Variants in TPGS1 observed in about 807,000 individuals in gnomAD.
The protein encoded by TPGS1 is gene trap ROSA b-geo 22.
Under a neutral mutation model 11.9 loss-of-function variants are expected in TPGS1, and 18 were observed. The ratio of observed to expected loss-of-function variants is 1.51; its 90% CI spans 1.04 to 2.24. The LOEUF is 2.24. TPGS1 is among the 30% of genes most tolerant of loss of function. TPGS1 has a pLI of 0.00. For synonymous variants in TPGS1, 247 were observed against 218.2 expected (o/e 1.13, Z -1.16); for missense variants, 500 against 443.0 (o/e 1.13, Z -1.16).
intron 1 of TPGS1, among the ~76,000 whole-genome samples, chr19:512,301 C>T (rs1978819639): frequency 6.6e-6 from 1 of 152,110 alleles, no homozygotes; most frequent in African/African-American, 2.4e-5. Flanking sequence ...GTACCCGGGA[C>T]CACAGACGCA....
chr19:512,858 T>A (rs1392874247), intron 1 of TPGS1, among the ~76,000 whole-genome samples: 1 of 152,018 alleles, frequency 6.6e-6, no homozygotes, highest in Non-Finnish European at 1.5e-5. Flanking sequence ...CCTGGGTGGG[T>A]TGCTGGCTCG....
chr19:508,014 G>A, intron 1 of TPGS1, 170 bp downstream of exon 1: 1 of 504,634 alleles, frequency 2.0e-6, no homozygotes, highest in East Asian at 3.5e-5. Context: ...GGGCTGGAGG[G>A]TCCGGGCTTC....
At chr19:511,088 C>T (rs1282938529) in intron 1 of TPGS1, among the ~76,000 whole-genome samples, 2 of 152,260 alleles carry the variant, frequency 1.3e-5, no homozygotes, top group South Asian at 2.1e-4. Context: ...CCTTACAAAC[C>T]GCTCTGTGTA....
At chr19:513,551 G>C (rs1186724112) in intron 1 of TPGS1, among the ~76,000 whole-genome samples, 1 of 151,832 alleles carries the variant, frequency 6.6e-6, no homozygotes, top group Non-Finnish European at 1.5e-5. Flanking sequence ...CAGCATTACT[G>C]AGCACCTACT....
At chr19:518,389 G>C (rs1449782378) in intron 1 of TPGS1, among the ~76,000 whole-genome samples, 2 of 119,722 alleles carry the variant, frequency 1.7e-5, no homozygotes, top group Non-Finnish European at 3.6e-5. Context: ...CTGGGAAGAG[G>C]GAGGCCCGGG....
At chr19:512,814 G>A (rs906303535) in intron 1 of TPGS1, among the ~76,000 whole-genome samples, 5 of 152,224 alleles carry the variant, frequency 3.3e-5, no homozygotes, top group African/African-American at 1.2e-4. Context: ...CCTCCGAGGC[G>A]GGTCACGAAG....
In TPGS1 at chr19:507,689, G is replaced by A. The variant is rs1158295460; in HGVS notation, c.183G>A (p.Glu61=). ...TGAAGGTGCTGGAGGCGCGGCCCGAGGAGCCGATCGCCTTCCTGGCTCACT... is the reference window on the plus strand; with the variant it reads ...TGAAGGTGCTGGAGGCGCGGCCCGAAGAGCCGATCGCCTTCCTGGCTCACT... ...ALLKVLEARP[E]EPIAFLAHYF... The change falls in exon 1 of 2, where the codon GAG becomes GAA. Residue 61 remains glutamate, a synonymous_variant. Transcript: ENST00000359315. 1 of 1,380,704 alleles carries A rather than the reference G, an allele frequency of 7.2e-7. No individual in the cohort carries two copies. 85.5% of individuals were successfully genotyped at this position (1,380,704 alleles called of 1,614,324 possible).
At chr19:517,395 G>A (rs1380600821) in intron 1 of TPGS1, among the ~76,000 whole-genome samples, 4 of 24,602 alleles carry the variant, frequency 1.6e-4, no homozygotes, top group East Asian at 1.4e-3. Flanking sequence ...GCTGGGAGGG[G>A]GGAGGCCAGG....
At chr19:518,690 G>C (rs1383238630) in intron 1 of TPGS1, among the ~76,000 whole-genome samples, 199 bp from the exon 2 acceptor site, 1 of 145,256 alleles carries the variant, frequency 6.9e-6, no homozygotes, top group Admixed American at 6.9e-5. Flanking sequence ...TGGGAGAAGG[G>C]AGGCGGGGGC....
At chr19:513,092 G>A (rs1978848945) in intron 1 of TPGS1, among the ~76,000 whole-genome samples, 1 of 152,174 alleles carries the variant, frequency 6.6e-6, no homozygotes, top group Non-Finnish European at 1.5e-5. Flanking sequence ...TTGGTTTTGG[G>A]CCTCTAGGTT....
chr19:518,767 G>A (rs1290282593), intron 1 of TPGS1, 122 bp from the exon 2 acceptor site: 3 of 1,087,600 alleles, frequency 2.8e-6, no homozygotes, highest in Non-Finnish European at 3.7e-6. Context: ...GGTAGGAGGA[G>A]AGGGGAGGCC....
At chr19:509,411 G>T (rs149327219) in intron 1 of TPGS1, 3 of 152,646 alleles carry the variant, frequency 2.0e-5, no homozygotes, top group African/African-American at 7.2e-5. Context: ...ATTAATTTCC[G>T]AGGGCTGCTG....
chr19:519,468 C>CGCGTGCGGG lies in TPGS1; in HGVS notation c.*49_*57dup. On this transcript the variant is annotated 3_prime_UTR_variant, in exon 2 of 2. Transcript: ENST00000359315. ...TCCGGGATCTGCGCTGGGGGGTCCC[C>CGCGTGCGGG]GCGTGCGGGGCGCGCGGAGCCTTCC... 8.4e-7 allele frequency: 1 copy of CGCGTGCGGG among 1,183,708 alleles called. No homozygotes were observed. The highest frequency in any genetic ancestry group is 1.0e-6 in the Non-Finnish European group (1 of 956,066). The allele number at this position is 1,183,708 out of a possible 1,614,324, so 73.3% of individuals were successfully genotyped here.
Position 519,463 on chromosome 19 carries a change from G to C in TPGS1, c.*40G>C. The C allele has an allele frequency of 8.4e-7, 1 of 1,187,894 alleles. No homozygotes were observed. Among genetic ancestry groups the C allele is most frequent in the Admixed American group, 4.5e-5 (1 of 22,254 alleles). 73.6% of individuals were successfully genotyped at this position (1,187,894 alleles called of 1,614,324 possible). A position where few individuals can be genotyped will look rare whatever the true frequency, so the allele number is the denominator to read the frequency against. On this transcript the variant is annotated 3_prime_UTR_variant, in exon 2 of 2. Transcript: ENST00000359315. ...GCGGATCCGGGATCTGCGCTGGGGG[G>C]TCCCCGCGTGCGGGGCGCGCGGAGC...
In TPGS1 at chr19:518,872, C is replaced by T. The variant is rs1014936806; in HGVS notation, c.339-17C>T. On this transcript the variant is annotated splice_polypyrimidine_tract_variant and intron_variant, in intron 1 of 1. Transcript: ENST00000359315. ...GCGCGCGGTCTCTGCCGGCCCCCAA[C>T]GTCCCCGTCTCCGCAGGGCCGCCTT... 14 of 1,493,526 alleles carry T rather than the reference C, an allele frequency of 9.4e-6. No individual in the cohort carries two copies. Among genetic ancestry groups the T allele is most frequent in the South Asian group, 1.3e-5 (1 of 75,320 alleles). The allele number at this position is 1,493,526 out of a possible 1,614,324, so 92.5% of individuals were successfully genotyped here.
At chr19:509,014 G>A (rs940436610) in intron 1 of TPGS1, 1 of 152,352 alleles carries the variant, frequency 6.6e-6, no homozygotes, top group African/African-American at 2.4e-5. Context: ...CCCCTGGTTT[G>A]AAGAAGCTGC....
At position 519,370 on chromosome 19, in the gene TPGS1, T is replaced by C; in HGVS notation, c.820T>C (p.Phe274Leu). The C allele has an allele frequency of 8.2e-7, 1 of 1,216,202 alleles. No individual in the cohort carries two copies. The highest frequency in any genetic ancestry group is 1.6e-5 in the African/African-American group (1 of 62,744). The allele number at this position is 1,216,202 out of a possible 1,614,324, so 75.3% of individuals were successfully genotyped here. A position where few individuals can be genotyped will look rare whatever the true frequency, so the allele number is the denominator to read the frequency against. ...CAGCGCGCCCATGACCCGCGAGGAG[T>C]TTCTGGAGAGGGCCGCCGCGCTCTT... ...RPSAPMTREEFLERAAALFIA... is the reference protein window; with the variant it reads ...RPSAPMTREELLERAAALFIA... The change falls in exon 2 of 2, where the codon TTT becomes CTT. Residue 274 changes from phenylalanine to leucine, a missense_variant. Physicochemically the swap from Phe to Leu is conservative, Grantham distance 22. Transcript: ENST00000359315.
intron 1 of TPGS1, among the ~76,000 whole-genome samples, chr19:511,495 T>C (rs887041075): frequency 1.3e-5 from 2 of 152,142 alleles, no homozygotes; most frequent in Admixed American, 6.5e-5. Flanking sequence ...CCAGCTGCTG[T>C]CCTGAGCACC....
At chr19:514,701 C>T (rs1057217199) in intron 1 of TPGS1, among the ~76,000 whole-genome samples, 2 of 152,254 alleles carry the variant, frequency 1.3e-5, no homozygotes, top group Non-Finnish European at 2.9e-5. Context: ...TTGGCCACTT[C>T]CTCTCTGGGA....
Sources: allele counts gnomAD v4.1 joint callset (sites outside exome capture counted in the v4.1 genomes callset), GRCh38; gene constraint gnomAD v4.1.1; transcripts MANE v1.5; gene names NCBI Gene and HGNC (gene_info 2026-07-23, HGNC 2026-07-21).